Variants in MYO7B observed in about 807,000 individuals in gnomAD.
The protein encoded by MYO7B is myosin VIIB, also known as unconventional myosin-VIIb.
Under a neutral mutation model 259.7 loss-of-function variants are expected in MYO7B, and 212 were observed. The ratio of observed to expected loss-of-function variants is 0.82; its 90% CI spans 0.73 to 0.91. MYO7B has a LOEUF of 0.91. MYO7B is among the 40% of genes least tolerant of loss of function. The pLI, the probability that MYO7B is intolerant of heterozygous loss-of-function variation, is 0.00. For missense variants in MYO7B, 2,732 were observed against 2,813.5 expected, an observed-to-expected ratio of 0.97 and a Z score of 0.66; for synonymous variants, 1,197 against 1,166.4, an observed-to-expected ratio of 1.03 and a Z score of -0.54.
intron 1 of MYO7B, among the ~76,000 whole-genome samples, chr2:127,548,783 A>T (rs912844989): frequency 1.3e-5 from 2 of 151,972 alleles, no homozygotes; most frequent in Non-Finnish European, 2.9e-5. Flanking sequence ...GGATTCCACA[A>T]ATTTCGATGT....
chr2:127,592,931 C>T lies in MYO7B; in HGVS notation c.2130C>T (p.Asn710=), dbSNP rs756866229. The T allele has an allele frequency of 1.3e-5, 20 of 1,597,234 alleles. No individual in the cohort carries two copies. The South Asian group carries it at 2.2e-4, about 17-fold the overall frequency. The stretch of plus-strand genomic sequence containing the variant: ...AGAGGTTCGGCGTGTTGCTGCCCAA[C>T]GCCATGCGGATGCAGGTCAGCGCCC... ...FSQRFGVLLP[N]AMRMQLQGKL... The change falls in exon 17 of 48, where the codon AAC becomes AAT. Residue 710 remains asparagine, a synonymous_variant. Coordinates refer to ENST00000409816, the MANE Select transcript of MYO7B (RefSeq NM_001393586.1).
intron 43 of MYO7B, 198 bp from the exon 44 acceptor site, chr2:127,635,524 C>G: frequency 1.5e-6 from 1 of 667,660 alleles, no homozygotes; most frequent in South Asian, 1.9e-5. Flanking sequence ...GTGGAGCAGG[C>G]CATCACCTCC....
Position 127,546,916 on chromosome 2 carries a change from C to T in MYO7B, c.-24+11085C>T, listed in dbSNP as rs1573606483. Among the ~76,000 whole-genome samples, 1 of 151,914 alleles carries T rather than the reference C, an allele frequency of 6.6e-6. No individual in the cohort carries two copies. The highest frequency in any genetic ancestry group is 2.4e-5 in the African/African-American group (1 of 41,296). On this transcript the variant is annotated intron_variant, in intron 1 of 47. Coordinates refer to ENST00000409816, the MANE Select transcript of MYO7B (RefSeq NM_001393586.1). This position sits in a 1 kb window ranked among gnomAD's most constrained non-coding sequence, Gnocchi z 4.2. ...ACCATCCATCTATCCACCCACCCACCCATTCACCCACTCATTCAACCACTA... is the reference window on the plus strand; with the variant it reads ...ACCATCCATCTATCCACCCACCCACTCATTCACCCACTCATTCAACCACTA...
chr2:127,571,669 G>A (rs1217927672), intron 6 of MYO7B, among the ~76,000 whole-genome samples: 1 of 151,560 alleles, frequency 6.6e-6, no homozygotes, highest in East Asian at 1.9e-4. Context: ...TAGTAGAGAC[G>A]GGGTTTCTCC....
chr2:127,615,783 T>C lies in MYO7B; in HGVS notation c.3398+3180T>C, dbSNP rs187288975. ...TCGGCCTGCAACATCTCTCCCTTTT[T>C]GTTTTGAATTAATTGAGAAAGGCAA... On this transcript the variant is annotated intron_variant, in intron 26 of 47. Coordinates refer to ENST00000409816, the MANE Select transcript of MYO7B (RefSeq NM_001393586.1). The surrounding 1 kb of genome is among the most constrained non-coding windows in gnomAD (Gnocchi z 4.4). Among the ~76,000 whole-genome samples, 203 of 152,130 alleles carry C rather than the reference T, an allele frequency of 1.3e-3. No individual in the cohort carries two copies. Among genetic ancestry groups the C allele is most frequent in the Admixed American group, 6.3e-3 (96 of 15,264 alleles).
chr2:127,580,040 G>A (rs1219027823), intron 9 of MYO7B, among the ~76,000 whole-genome samples: 1 of 152,246 alleles, frequency 6.6e-6, no homozygotes, highest in Non-Finnish European at 1.5e-5. Context: ...GGCTGTGGGT[G>A]CTGGCAGATC....
chr2:127,635,729 C>A lies in MYO7B; in HGVS notation c.5828C>A (p.Pro1943His). 1 of 1,601,632 alleles carries A rather than the reference C, an allele frequency of 6.2e-7. No individual in the cohort carries two copies. Among genetic ancestry groups the A allele is most frequent in the South Asian group, 1.1e-5 (1 of 88,612 alleles). ...AGTGTGTCCATCACCCAGGAGCTGC[C>A]CAAGTACCTGCGCGGATTCCACAAG... is the stretch of plus-strand genomic sequence containing the variant. Reference protein sequence around the residue: ...DTILHYHQELPKYLRGFHKCS... With the variant: ...DTILHYHQELHKYLRGFHKCS... The change falls in exon 44 of 48, where the codon CCC becomes CAC. Residue 1943 changes from proline (P) to histidine (H), a missense_variant. This residue lies in a region of MYO7B where 821 missense variants were observed against 769.3 expected (regional missense o/e 1.07). Transcript: ENST00000409816.
Position 127,637,364 on chromosome 2 carries a change from A to G in MYO7B, c.6376A>G (p.Ser2126Gly). Reference protein sequence around the residue: ...LLTSYVQQLLSAMNKQRGSKA... With the variant: ...LLTSYVQQLLGAMNKQRGSKA... Reference sequence around the variant, plus strand: ...GACCTCATATGTGCAGCAGCTCCTGAGTGCCATGAACAAGCAGCGGGGCTC... The same window carrying G: ...GACCTCATATGTGCAGCAGCTCCTGGGTGCCATGAACAAGCAGCGGGGCTC... The change falls in exon 48 of 48, where the codon AGT (serine) becomes GGT (glycine). Residue 2126 changes from serine to glycine, a missense_variant. Physicochemically the swap from Ser to Gly is moderately conservative, Grantham distance 56. This residue lies in a region of MYO7B where 821 missense variants were observed against 769.3 expected (regional missense o/e 1.07). Coordinates refer to ENST00000409816, the MANE Select transcript of MYO7B (RefSeq NM_001393586.1). 3 of 1,592,296 alleles carry G rather than the reference A, an allele frequency of 1.9e-6. No homozygotes were observed. The highest frequency in any genetic ancestry group is 2.6e-6 in the Non-Finnish European group (3 of 1,169,720).
In MYO7B at chr2:127,560,529, G is replaced by C. The variant is rs572650611; in HGVS notation, c.18+789G>C. 4.6e-5 allele frequency among the ~76,000 whole-genome samples: 7 copies of C among 152,204 alleles called. No individual in the cohort carries two copies. The South Asian group carries it at 8.3e-4, about 18-fold the overall frequency. On this transcript the variant is annotated intron_variant, in intron 2 of 47. Transcript: ENST00000409816. The stretch of plus-strand genomic sequence containing the variant: ...TCCTCCACAGGAAGAAAGCAGAGGA[G>C]TTTTGCATTTACTGTCAAATCAACA...
At chr2:127,621,661 G>T (rs973396162) in intron 27 of MYO7B, among the ~76,000 whole-genome samples, 2 of 152,190 alleles carry the variant, frequency 1.3e-5, no homozygotes, top group African/African-American at 4.8e-5. Flanking sequence ...TGGGGTTGGG[G>T]GTGGGCATTT....
chr2:127,574,459 G>A (rs57431626), intron 7 of MYO7B, among the ~76,000 whole-genome samples: 105 of 152,330 alleles, frequency 6.9e-4, no homozygotes, highest in African/African-American at 2.4e-3. Context: ...AGAATTGCTT[G>A]AGCCTAGGAG....
chr2:127,627,232 G>A lies in MYO7B; in HGVS notation c.4382G>A (p.Gly1461Glu). Residue 1461 changes from glycine (G) to glutamate (E), a missense_variant, in exon 33 of 48, where the codon GGG becomes GAG. Physicochemically the swap from Gly to Glu is moderately conservative, Grantham distance 98. Transcript: ENST00000409816. This position sits in a 1 kb window ranked among gnomAD's most constrained non-coding sequence, Gnocchi z 5.6. Reference sequence around the variant, plus strand: ...CTGATCTTGGCTGTTAACTGGAAGGGGCTTTGCTTCCTGGACCAGCAGGAG... The same window carrying A: ...CTGATCTTGGCTGTTAACTGGAAGGAGCTTTGCTTCCTGGACCAGCAGGAG... ...TQLILAVNWK[G>E]LCFLDQQEKM... 2.5e-6 allele frequency: 4 copies of A among 1,611,364 alleles called. No homozygotes were observed. Among genetic ancestry groups the A allele is most frequent in the Non-Finnish European group, 3.4e-6 (4 of 1,179,024 alleles).
At chr2:127,593,951 A>G (rs983779726) in intron 18 of MYO7B, among the ~76,000 whole-genome samples, 1 of 152,224 alleles carries the variant, frequency 6.6e-6, no homozygotes, top group Non-Finnish European at 1.5e-5. Flanking sequence ...ACAGGGCAGC[A>G]CCCAGGAGCT....
chr2:127,598,583 C>T (rs1241924638), intron 19 of MYO7B, among the ~76,000 whole-genome samples: 1 of 152,194 alleles, frequency 6.6e-6, no homozygotes, highest in Non-Finnish European at 1.5e-5. Context: ...AGTTTTTAAT[C>T]TTCGTAAAGT....
In MYO7B at chr2:127,546,968, C is replaced by T. The variant is rs1489943552; in HGVS notation, c.-24+11137C>T. 1.3e-5 allele frequency among the ~76,000 whole-genome samples: 2 copies of T among 152,018 alleles called. No homozygotes were observed. Among genetic ancestry groups the T allele is most frequent in the Non-Finnish European group, 2.9e-5 (2 of 67,994 alleles). On this transcript the variant is annotated intron_variant, in intron 1 of 47. Transcript: ENST00000409816. This position sits in a 1 kb window ranked among gnomAD's most constrained non-coding sequence, Gnocchi z 4.2. ...TCGACTCATCCATCCATCCATCCAC[C>T]AATCTATCCATCCATCAACCCATCA...
intron 1 of MYO7B, among the ~76,000 whole-genome samples, chr2:127,551,690 T>C (rs892363479): frequency 6.6e-6 from 1 of 152,144 alleles, no homozygotes; most frequent in South Asian, 2.1e-4. Flanking sequence ...GAAGGATTCG[T>C]GTGGGCTGTC....
chr2:127,537,413 C>T (rs2104777830), intron 1 of MYO7B, among the ~76,000 whole-genome samples: 1 of 152,316 alleles, frequency 6.6e-6, no homozygotes, highest in South Asian at 2.1e-4. Context: ...AAACCAATGG[C>T]CTCCATACAT....
chr2:127,536,695 C>T (rs1006928472), intron 1 of MYO7B, among the ~76,000 whole-genome samples: 1 of 152,224 alleles, frequency 6.6e-6, no homozygotes, highest in South Asian at 2.1e-4. Context: ...CCCCTTCAGG[C>T]TCCACTTTGT....
chr2:127,573,084 G>A (rs922084542), intron 6 of MYO7B, among the ~76,000 whole-genome samples: 1 of 152,090 alleles, frequency 6.6e-6, no homozygotes, highest in Non-Finnish European at 1.5e-5. Context: ...GGGATTCCTC[G>A]AGAGAGAGAC....
Sources: gnomAD v4.1 joint callset for allele counts (sites outside exome capture counted in the v4.1 genomes callset) on GRCh38, gnomAD v4.1.1 for gene constraint, gnomAD v4.1.1 regional missense constraint, Gnocchi (gnomAD v3.1) non-coding constraint, MANE v1.5 for transcripts, NCBI Gene and HGNC (gene_info 2026-07-23, HGNC 2026-07-21) for gene names.